The following ADAMTS19 variants were observed in gnomAD, a reference collection of about 807,000 sequenced individuals.
The protein encoded by ADAMTS19 is ADAM metallopeptidase with thrombospondin type 1 motif 19, also known as A disintegrin and metalloproteinase with thrombospondin motifs 19.
ADAMTS19 carries 93 observed loss-of-function variants against 153.3 expected under a neutral mutation model. The ratio of observed to expected loss-of-function variants is 0.61; its 90% CI spans 0.51 to 0.72. The LOEUF (loss-of-function observed/expected upper bound fraction) is 0.72. Ranked by LOEUF, ADAMTS19 falls within the 30% of genes least tolerant of loss-of-function variation. The pLI is 0.00. For missense variants in ADAMTS19, 1,482 were observed against 1,552.1 expected (o/e 0.95, Z 0.76); for synonymous variants, 600 against 556.6 (o/e 1.08, Z -1.10).
At chr5:129,620,798 A>G in intron 9 of ADAMTS19, 40 bp downstream of exon 9, 2 of 1,595,724 alleles carry the variant, frequency 1.3e-6, no homozygotes, top group Non-Finnish European at 1.7e-6. Flanking sequence ...GTGAATGATT[A>G]TGTGTGCTGT....
intron 8 of ADAMTS19, among the ~76,000 whole-genome samples, chr5:129,619,342 C>T (rs1178806404): frequency 6.6e-6 from 1 of 152,000 alleles, no homozygotes; most frequent in Non-Finnish European, 1.5e-5. Context: ...ATATTATAAT[C>T]ATTTCTACCA....
chr5:129,683,355 C>T (rs561010382), intron 17 of ADAMTS19, among the ~76,000 whole-genome samples: 10 of 151,878 alleles, frequency 6.6e-5, no homozygotes, highest in East Asian at 1.9e-4. Context: ...TTCAGTCCAA[C>T]GTGTAGCCCC....
intron 7 of ADAMTS19, among the ~76,000 whole-genome samples, chr5:129,590,472 AC>A (rs1462152495): frequency 5.3e-5 from 8 of 152,172 alleles, no homozygotes; most frequent in Non-Finnish European, 8.8e-5. Context: ...ATTTATTATA[AC>A]TTTTATTACA....
intron 21 of ADAMTS19, among the ~76,000 whole-genome samples, chr5:129,707,898 G>A (rs915251262): frequency 2.8e-4 from 43 of 152,134 alleles, no homozygotes; most frequent in Admixed American, 7.9e-4. Flanking sequence ...ATATAGATGA[G>A]TCCCTGGGAG....
chr5:129,645,741 A>C (rs2127034225), intron 11 of ADAMTS19, among the ~76,000 whole-genome samples: 1 of 152,278 alleles, frequency 6.6e-6, no homozygotes, highest in African/African-American at 2.4e-5. Context: ...AAACACCCTT[A>C]AAGTAGGCTA....
At chr5:129,643,382 A>AAAAAAAAAAAAAAAAAAAAG (rs1554101887) in intron 11 of ADAMTS19, among the ~76,000 whole-genome samples, 1 of 142,726 alleles carries the variant, frequency 7.0e-6, no homozygotes, top group Admixed American at 7.2e-5. Context: ...AAAAAAAAAA[A>AAAAAAAAAAAAAAAAAAAAG]AAAAGAAAAA....
chr5:129,636,396 G>T (rs952309742), intron 10 of ADAMTS19, among the ~76,000 whole-genome samples: 13 of 151,978 alleles, frequency 8.6e-5, no homozygotes, highest in African/African-American at 3.1e-4. Context: ...TTTAAAATAG[G>T]TTCTTCCTTC....
intron 3 of ADAMTS19, among the ~76,000 whole-genome samples, chr5:129,517,983 T>A (rs918644341): frequency 1.3e-5 from 2 of 152,076 alleles, no homozygotes; most frequent in Non-Finnish European, 1.5e-5. Context: ...GAGGTTACCA[T>A]GAGGTTGCAA....
intron 6 of ADAMTS19, among the ~76,000 whole-genome samples, chr5:129,538,734 T>A (rs1752550830): frequency 6.6e-6 from 1 of 152,134 alleles, no homozygotes; most frequent in African/African-American, 2.4e-5. Flanking sequence ...ATAATCCATA[T>A]TTTCCCTTAA....
chr5:129,698,001 G>A (rs941397996), intron 19 of ADAMTS19, among the ~76,000 whole-genome samples: 4 of 152,134 alleles, frequency 2.6e-5, no homozygotes, highest in African/African-American at 4.8e-5. Flanking sequence ...GGTCTGTGAA[G>A]GAGCAGAGTG....
intron 18 of ADAMTS19, among the ~76,000 whole-genome samples, chr5:129,691,904 A>T (rs1042872027): frequency 1.3e-5 from 2 of 152,096 alleles, no homozygotes; most frequent in African/African-American, 4.8e-5. Flanking sequence ...TTTTCTGAGG[A>T]TGGGGAAAAA....
At chr5:129,638,582 C>G (rs936086189) in intron 10 of ADAMTS19, among the ~76,000 whole-genome samples, 9 of 143,906 alleles carry the variant, frequency 6.3e-5, no homozygotes, top group Non-Finnish European at 1.3e-4. Context: ...CACATACACA[C>G]ACACACACAC....
chr5:129,533,175 T>C (rs1429527468), intron 6 of ADAMTS19, among the ~76,000 whole-genome samples: 1 of 151,758 alleles, frequency 6.6e-6, no homozygotes, highest in South Asian at 2.1e-4. Flanking sequence ...TTATATAGAG[T>C]TTGAAAATAG....
chr5:129,541,078 A>C (rs142136637), intron 6 of ADAMTS19, among the ~76,000 whole-genome samples: 13 of 152,162 alleles, frequency 8.5e-5, no homozygotes, highest in Admixed American at 8.5e-4. Flanking sequence ...AAGATTAAGA[A>C]TTATCATCTG....
intron 21 of ADAMTS19, among the ~76,000 whole-genome samples, chr5:129,722,173 C>T (rs1281969491): frequency 1.3e-5 from 2 of 152,298 alleles, no homozygotes; most frequent in East Asian, 3.9e-4. Flanking sequence ...TGAGGAATCA[C>T]CACACTCTCT....
intron 16 of ADAMTS19, among the ~76,000 whole-genome samples, chr5:129,676,310 T>C (rs1754549599): frequency 1.3e-5 from 2 of 152,210 alleles, no homozygotes; most frequent in African/African-American, 4.8e-5. Flanking sequence ...TGAGGCTTTT[T>C]AAAAGCTTTG....
At chr5:129,591,588 C>A (rs781725839) in intron 7 of ADAMTS19, among the ~76,000 whole-genome samples, 9 of 152,092 alleles carry the variant, frequency 5.9e-5, no homozygotes, top group Non-Finnish European at 1.2e-4. Context: ...CAACCATACC[C>A]AGCCAAAGTC....
chr5:129,476,056 G>A (rs1307090310), intron 2 of ADAMTS19, among the ~76,000 whole-genome samples: 1 of 151,968 alleles, frequency 6.6e-6, no homozygotes, highest in Non-Finnish European at 1.5e-5. Context: ...TATTACTAGA[G>A]AATTGGTAGG....
In ADAMTS19 at chr5:129,737,562, G is replaced by C. The variant is rs1215537902; in HGVS notation, c.*344G>C. ...CTACTCTCTCCCCACCAATAACATT[G>C]AATTATCCAGAATGTATACTGACTT... On this transcript the variant is annotated 3_prime_UTR_variant, in exon 23 of 23. Transcript: ENST00000274487. 6.4e-6 allele frequency: 1 copy of C among 157,286 alleles called. No individual in the cohort carries two copies. Among genetic ancestry groups the C allele is most frequent in the African/African-American group, 2.4e-5 (1 of 41,528 alleles). 9.7% of individuals were successfully genotyped at this position (157,286 alleles called of 1,614,324 possible). A position where few individuals can be genotyped will look rare whatever the true frequency, so the allele number is the denominator to read the frequency against.
Sources: allele counts gnomAD v4.1 joint callset (sites outside exome capture counted in the v4.1 genomes callset), GRCh38; gene constraint gnomAD v4.1.1; transcripts MANE v1.5; gene names NCBI Gene and HGNC (gene_info 2026-07-23, HGNC 2026-07-21).